The following TUSC3 variants were observed in gnomAD, a reference collection of about 807,000 sequenced individuals.
TUSC3 encodes the protein dolichyl-diphosphooligosaccharide--protein glycosyltransferase subunit TUSC3.
Under a neutral mutation model 44.8 loss-of-function variants are expected in TUSC3, and 45 were observed. The ratio of observed to expected loss-of-function variants is 1.00; its 90% CI spans 0.79 to 1.29. The LOEUF is 1.29. TUSC3 is among the 50% of genes most tolerant of loss of function. The pLI is 0.00. For missense variants in TUSC3, 519 were observed against 437.9 expected (o/e 1.19, Z -1.65); for synonymous variants, 212 against 152.9 (o/e 1.39, Z -2.85).
At chr8:15,745,463 G>A (rs537517223) in intron 8 of TUSC3, among the ~76,000 whole-genome samples, 45 of 151,962 alleles carry the variant, frequency 3.0e-4, no homozygotes, top group Admixed American at 8.5e-4. Context: ...CGACCTCACC[G>A]GTATGTGCTT....
At chr8:15,502,435 T>C (rs1800979502) in intron 2 of TUSC3, among the ~76,000 whole-genome samples, 2 of 152,216 alleles carry the variant, frequency 1.3e-5, no homozygotes, top group South Asian at 2.1e-4. Context: ...CTTCTTTTTA[T>C]TAGAGCTCCT....
At chr8:15,806,313 G>C in the TUSC3 span, 36 of 705,154 alleles carry the variant, frequency 5.1e-5, no homozygotes, top group Non-Finnish European at 5.4e-6. Context: ...GACTAAGTCA[G>C]GGACACCTTC....
At chr8:15,604,519 T>G (rs1804434966) in intron 1 of TUSC3, among the ~76,000 whole-genome samples, 1 of 151,806 alleles carries the variant, frequency 6.6e-6, no homozygotes, top group South Asian at 2.1e-4. Context: ...TTTCTTATAA[T>G]TATTGTAAAT....
chr8:15,477,403 G>C (rs1029267742), intron 1 of TUSC3, among the ~76,000 whole-genome samples: 2 of 152,122 alleles, frequency 1.3e-5, no homozygotes, highest in South Asian at 2.1e-4. Context: ...TAGGATAATT[G>C]CCTCACTTTT....
At position 15,766,041 on chromosome 8, in the gene TUSC3, A is replaced by G. The variant is rs936034333; in HGVS notation, c.*1885A>G. On this transcript the variant is annotated 3_prime_UTR_variant, in exon 11 of 11. Coordinates refer to ENST00000503731, the MANE Select transcript of TUSC3 (RefSeq NM_006765.4). Reference sequence around the variant, plus strand: ...TATCAAAGTCAGGTCATCCTCAGACACTATAACTAAGATAGATAAGGAGTA... The same window carrying G: ...TATCAAAGTCAGGTCATCCTCAGACGCTATAACTAAGATAGATAAGGAGTA... The G allele has an allele frequency of 1.3e-5, 2 of 152,144 alleles. No homozygotes were observed. The highest frequency in any genetic ancestry group is 4.8e-5 in the African/African-American group (2 of 41,458). 9.4% of individuals were successfully genotyped at this position (152,144 alleles called of 1,614,324 possible).
At chr8:15,626,828 AG>A (rs1276864914) in intron 2 of TUSC3, among the ~76,000 whole-genome samples, 1 of 152,144 alleles carries the variant, frequency 6.6e-6, no homozygotes, top group African/African-American at 2.4e-5. Context: ...AGAGTGGCTG[AG>A]GGGGGCCCTG....
the TUSC3 span, among the ~76,000 whole-genome samples, chr8:15,816,401 C>G: frequency 6.6e-6 from 1 of 151,856 alleles, no homozygotes; most frequent in Non-Finnish European, 1.5e-5. Context: ...GAACAAATTC[C>G]CAATTTAGGC....
intron 10 of TUSC3, among the ~76,000 whole-genome samples, chr8:15,761,134 G>T (rs763404455): frequency 6.6e-6 from 1 of 152,146 alleles, no homozygotes; most frequent in Non-Finnish European, 1.5e-5. Flanking sequence ...TAAGAAAATA[G>T]CTAACACTTG....
At chr8:15,735,403 G>A (rs1398012826) in intron 7 of TUSC3, among the ~76,000 whole-genome samples, 1 of 152,132 alleles carries the variant, frequency 6.6e-6, no homozygotes, top group Non-Finnish European at 1.5e-5. Flanking sequence ...AAGGTTTGGA[G>A]GGCAATGTTT....
Position 15,766,339 on chromosome 8 carries a change from G to A in TUSC3, c.*2183G>A, listed in dbSNP as rs187586489. 2.8e-4 allele frequency: 42 copies of A among 152,128 alleles called. No homozygotes were observed. The highest frequency in any genetic ancestry group is 6.6e-4 in the Admixed American group (10 of 15,256). The allele number at this position is 152,128 out of a possible 1,614,324, so 9.4% of individuals were successfully genotyped here. On this transcript the variant is annotated 3_prime_UTR_variant, in exon 11 of 11. Coordinates refer to ENST00000503731, the MANE Select transcript of TUSC3 (RefSeq NM_006765.4). ...ATATAGTTTGCTTGCAGAATGTAAC[G>A]TGCAAAATCACATACATGCGATGTA...
intron 1 of TUSC3, among the ~76,000 whole-genome samples, chr8:15,545,808 T>C (rs1386518567): frequency 6.6e-6 from 1 of 151,780 alleles, no homozygotes; most frequent in East Asian, 1.9e-4. Context: ...TAGCCCTACA[T>C]ATTCATCGAT....
chr8:15,622,596 A>AT, intron 1 of TUSC3, among the ~76,000 whole-genome samples: 1 of 152,160 alleles, frequency 6.6e-6, no homozygotes, highest in Non-Finnish European at 1.5e-5. Context: ...AGTTTTTCCT[A>AT]TTTTTGACTT....
intron 7 of TUSC3, among the ~76,000 whole-genome samples, chr8:15,731,917 A>G (rs1431819677): frequency 6.6e-6 from 1 of 152,164 alleles, no homozygotes; most frequent in Non-Finnish European, 1.5e-5. Flanking sequence ...GTGGTGGTAT[A>G]TAGTGATTAC....
chr8:15,627,196 G>A (rs937699261), intron 2 of TUSC3, among the ~76,000 whole-genome samples: 1 of 152,214 alleles, frequency 6.6e-6, no homozygotes, highest in African/African-American at 2.4e-5. Flanking sequence ...GCTGAGAGCT[G>A]AGGAGACAAT....
chr8:15,427,422 G>T (rs1032092360), intron 1 of TUSC3, among the ~76,000 whole-genome samples: 7 of 151,912 alleles, frequency 4.6e-5, no homozygotes, highest in African/African-American at 1.7e-4. Flanking sequence ...GGGAAAGGCA[G>T]TCTCCAATAG....
At chr8:15,831,322 T>C in the TUSC3 span, among the ~76,000 whole-genome samples, 355 of 152,102 alleles carry the variant, frequency 2.3e-3, 2 homozygotes, top group African/African-American at 8.3e-3. Context: ...CTTCAAACAA[T>C]GAAGAAACAT....
chr8:15,734,091 C>T (rs951230959), intron 7 of TUSC3, among the ~76,000 whole-genome samples: 1 of 152,200 alleles, frequency 6.6e-6, no homozygotes, highest in African/African-American at 2.4e-5. Context: ...TTTCATTTGA[C>T]AGTCTACTGC....
intron 5 of TUSC3, among the ~76,000 whole-genome samples, chr8:15,667,054 T>C (rs547127051): frequency 1.3e-5 from 2 of 151,688 alleles, no homozygotes; most frequent in East Asian, 3.9e-4. Flanking sequence ...CTTATCTTAT[T>C]ATAAAGTCAC....
At chr8:15,728,838 T>G (rs1317121019) in intron 6 of TUSC3, among the ~76,000 whole-genome samples, 1 of 152,132 alleles carries the variant, frequency 6.6e-6, no homozygotes, top group Non-Finnish European at 1.5e-5. Flanking sequence ...AGCCTTCTCC[T>G]TCCGGAGGAG....
Sources: allele counts gnomAD v4.1 joint callset (sites outside exome capture counted in the v4.1 genomes callset), GRCh38; gene constraint gnomAD v4.1.1; transcripts MANE v1.5; gene names NCBI Gene and HGNC (gene_info 2026-07-23, HGNC 2026-07-21).